The following ARHGAP24 variants were observed in gnomAD, a reference collection of about 807,000 sequenced individuals.
ARHGAP24 encodes Rho GTPase activating protein 24.
ARHGAP24 carries 50 observed loss-of-function variants against 76.4 expected under a neutral mutation model. The observed-to-expected ratio is 0.65, with a 90% CI of 0.52 to 0.83. ARHGAP24 has a LOEUF of 0.83. ARHGAP24 is among the 40% of genes least tolerant of loss of function. The pLI is 0.00. For synonymous variants in ARHGAP24, 345 were observed against 323.3 expected, an observed-to-expected ratio of 1.07 and a Z score of -0.72; for missense variants, 930 against 914.2, an observed-to-expected ratio of 1.02 and a Z score of -0.22.
At chr4:85,528,472 G>A (rs6531826) in intron 1 of ARHGAP24, among the ~76,000 whole-genome samples, 18,370 of 151,964 alleles carry the variant, frequency 0.12, 3,121 homozygotes, top group African/African-American at 0.38. Flanking sequence ...GAGGGAGAAA[G>A]ATGGGGATGG....
chr4:85,847,086 A>G (rs1730936261), intron 3 of ARHGAP24, among the ~76,000 whole-genome samples: 1 of 152,184 alleles, frequency 6.6e-6, no homozygotes, highest in Non-Finnish European at 1.5e-5. Flanking sequence ...TTTCTCCTAA[A>G]CCTTTCTGGA....
chr4:85,816,152 G>C (rs573659087), intron 3 of ARHGAP24, among the ~76,000 whole-genome samples: 8 of 152,104 alleles, frequency 5.3e-5, no homozygotes, highest in African/African-American at 1.7e-4. Flanking sequence ...ACACAGAGCC[G>C]AACCATATCA....
At chr4:85,664,375 C>T (rs960588438) in intron 2 of ARHGAP24, among the ~76,000 whole-genome samples, 5 of 150,872 alleles carry the variant, frequency 3.3e-5, no homozygotes, top group African/African-American at 1.2e-4. Context: ...TATCATTTTT[C>T]ATTGTGTCTA....
intron 3 of ARHGAP24, among the ~76,000 whole-genome samples, chr4:85,843,989 A>G (rs1362196467): frequency 2.0e-5 from 3 of 152,212 alleles, no homozygotes; most frequent in African/African-American, 4.8e-5. Flanking sequence ...GCCCTAAAAC[A>G]TAATTGATAA....
At chr4:85,504,565 T>C (rs1723959982) in intron 1 of ARHGAP24, among the ~76,000 whole-genome samples, 1 of 152,178 alleles carries the variant, frequency 6.6e-6, no homozygotes, top group Non-Finnish European at 1.5e-5. Flanking sequence ...TGTTTTCCAT[T>C]TGCTTGGTAG....
intron 8 of ARHGAP24, chr4:85,991,720 A>G (rs934943128): frequency 1.3e-5 from 2 of 155,514 alleles, no homozygotes; most frequent in Admixed American, 6.5e-5. Context: ...GACTCCAAAG[A>G]GGCATAAGTG....
At chr4:85,896,690 G>C (rs1485235233) in intron 3 of ARHGAP24, among the ~76,000 whole-genome samples, 2 of 152,154 alleles carry the variant, frequency 1.3e-5, no homozygotes, top group Non-Finnish European at 2.9e-5. Context: ...GGCCGTAGCA[G>C]TGTTTCATGC....
chr4:85,715,672 A>G (rs1424036730), intron 2 of ARHGAP24, among the ~76,000 whole-genome samples: 1 of 152,196 alleles, frequency 6.6e-6, no homozygotes, highest in Admixed American at 6.6e-5. Flanking sequence ...CAGAACACTT[A>G]TGGTTACAAT....
intron 3 of ARHGAP24, among the ~76,000 whole-genome samples, chr4:85,838,249 T>TA (rs1730399046): frequency 6.6e-6 from 1 of 152,186 alleles, no homozygotes; most frequent in African/African-American, 2.4e-5. Flanking sequence ...TGAGCATGAC[T>TA]ACTGTGGATA....
At chr4:85,818,726 A>G (rs1729347712) in intron 3 of ARHGAP24, among the ~76,000 whole-genome samples, 1 of 152,302 alleles carries the variant, frequency 6.6e-6, no homozygotes, top group Non-Finnish European at 1.5e-5. Flanking sequence ...ATATATTTTC[A>G]TTGGAGAGAA....
chr4:85,500,151 G>T (rs1012978259), intron 1 of ARHGAP24, among the ~76,000 whole-genome samples: 2 of 152,026 alleles, frequency 1.3e-5, no homozygotes, highest in Non-Finnish European at 2.9e-5. Flanking sequence ...GGGTATGTTG[G>T]GTTTAAAATA....
chr4:85,648,244 C>T (rs1721801448), intron 2 of ARHGAP24, among the ~76,000 whole-genome samples: 1 of 152,056 alleles, frequency 6.6e-6, no homozygotes, highest in Admixed American at 6.6e-5. Flanking sequence ...TACAGAAGTC[C>T]TGCCAAGATC....
chr4:85,617,826 CT>C (rs1372668580), intron 2 of ARHGAP24, among the ~76,000 whole-genome samples: 2 of 152,074 alleles, frequency 1.3e-5, no homozygotes, highest in Admixed American at 1.3e-4. Flanking sequence ...ATAAGAGTAT[CT>C]TTTTTGCTTC....
At chr4:85,628,814 C>T (rs780179644) in intron 2 of ARHGAP24, among the ~76,000 whole-genome samples, 1 of 152,130 alleles carries the variant, frequency 6.6e-6, no homozygotes, top group Non-Finnish European at 1.5e-5. Flanking sequence ...CACTTCTGCT[C>T]TCTGGTAATA....
intron 8 of ARHGAP24, among the ~76,000 whole-genome samples, chr4:85,982,321 T>C (rs1156745312): frequency 1.3e-5 from 2 of 152,018 alleles, no homozygotes; most frequent in African/African-American, 4.8e-5. Flanking sequence ...AGTAAATTTC[T>C]CTAGGTACAC....
intron 3 of ARHGAP24, among the ~76,000 whole-genome samples, chr4:85,913,028 C>G (rs967260114): frequency 2.6e-5 from 4 of 152,100 alleles, no homozygotes; most frequent in Non-Finnish European, 4.4e-5. Flanking sequence ...CCTCATCTCT[C>G]CTACATTATC....
intron 2 of ARHGAP24, among the ~76,000 whole-genome samples, chr4:85,655,848 G>GAGAGAGAGAGAGAGAGAGAGAGAC (rs1560571885): frequency 1.5e-5 from 1 of 67,628 alleles, no homozygotes; most frequent in African/African-American, 6.1e-5. Context: ...GAGAGAGACA[G>GAGAGAGAGAGAGAGAGAGAGAGAC]AGAGGAAGTT....
chr4:85,601,274 A>G (rs1720019941), intron 2 of ARHGAP24, among the ~76,000 whole-genome samples: 1 of 152,216 alleles, frequency 6.6e-6, no homozygotes, highest in South Asian at 2.1e-4. Flanking sequence ...TGCTCAATAA[A>G]TATTTGTTAA....
intron 3 of ARHGAP24, among the ~76,000 whole-genome samples, chr4:85,851,315 G>T (rs938882583): frequency 5.9e-5 from 9 of 151,978 alleles, no homozygotes; most frequent in African/African-American, 9.7e-5. Flanking sequence ...ATCTTCCTCT[G>T]TCCCTTTATT....
Sources: gnomAD v4.1 joint callset for allele counts (sites outside exome capture counted in the v4.1 genomes callset) on GRCh38, gnomAD v4.1.1 for gene constraint, MANE v1.5 for transcripts, NCBI Gene and HGNC (gene_info 2026-07-23, HGNC 2026-07-21) for gene names.